Variants in ERBB4 observed in about 807,000 individuals in gnomAD.
ERBB4 encodes the protein receptor tyrosine-protein kinase erbB-4.
Under a neutral mutation model 158.0 loss-of-function variants are expected in ERBB4, and 42 were observed. The ratio of observed to expected loss-of-function variants is 0.27; its 90% CI spans 0.21 to 0.34. The LOEUF is 0.34. ERBB4 is among the 10% of genes least tolerant of loss of function. The pLI is 1.00. For synonymous variants in ERBB4, 583 were observed against 558.7 expected, an observed-to-expected ratio of 1.04 and a Z score of -0.61; for missense variants, 1,333 against 1,624.1, an observed-to-expected ratio of 0.82 and a Z score of 3.08.
At chr2:211,546,659 C>CCTGTTTGG (rs2066948459) in intron 20 of ERBB4, among the ~76,000 whole-genome samples, 1 of 152,034 alleles carries the variant, frequency 6.6e-6, no homozygotes, top group South Asian at 2.1e-4. Flanking sequence ...TATAATACTA[C>CCTGTTTGG]CTGTTTGGTG....
chr2:212,062,229 A>C (rs2077795080), intron 2 of ERBB4, among the ~76,000 whole-genome samples: 2 of 152,122 alleles, frequency 1.3e-5, no homozygotes, highest in Admixed American at 6.6e-5. Flanking sequence ...CTACATGTAT[A>C]TTAATTGAAT....
At chr2:211,856,031 A>T (rs1352866023) in intron 3 of ERBB4, among the ~76,000 whole-genome samples, 2 of 152,246 alleles carry the variant, frequency 1.3e-5, no homozygotes, top group African/African-American at 4.8e-5. Flanking sequence ...TATTTGGGTG[A>T]CGGGTACACT....
At chr2:211,672,479 A>T (rs2071880151) in intron 14 of ERBB4, among the ~76,000 whole-genome samples, 1 of 152,166 alleles carries the variant, frequency 6.6e-6, no homozygotes, top group Admixed American at 6.6e-5. Context: ...ATGAGACCTC[A>T]TCCATGAGAA....
chr2:211,575,698 C>A (rs571510631), intron 19 of ERBB4, among the ~76,000 whole-genome samples: 1 of 152,028 alleles, frequency 6.6e-6, no homozygotes, highest in Non-Finnish European at 1.5e-5. Flanking sequence ...ACAAGCAACT[C>A]GACAAAATTA....
At chr2:211,676,611 C>A (rs940431570) in intron 13 of ERBB4, among the ~76,000 whole-genome samples, 1 of 152,126 alleles carries the variant, frequency 6.6e-6, no homozygotes, top group African/African-American at 2.4e-5. Context: ...AGATACCTTA[C>A]GTTCTAGCAT....
intron 1 of ERBB4, among the ~76,000 whole-genome samples, chr2:212,419,791 C>T (rs1022159600): frequency 2.6e-5 from 4 of 151,800 alleles, no homozygotes; most frequent in Admixed American, 6.6e-5. Flanking sequence ...ACTGAATTAA[C>T]GTCCTATTCA....
At chr2:212,329,583 T>C (rs1331665445) in intron 1 of ERBB4, among the ~76,000 whole-genome samples, 1 of 152,036 alleles carries the variant, frequency 6.6e-6, no homozygotes, top group East Asian at 1.9e-4. Context: ...AAACTGGGCT[T>C]GTAAGAAATA....
At chr2:211,733,622 C>T (rs1318830324) in intron 5 of ERBB4, among the ~76,000 whole-genome samples, 1 of 151,062 alleles carries the variant, frequency 6.6e-6, no homozygotes, top group Non-Finnish European at 1.5e-5. Flanking sequence ...TTTTAAATCA[C>T]TGTGCATTAT....
At chr2:212,158,709 C>G (rs1217060340) in intron 1 of ERBB4, among the ~76,000 whole-genome samples, 2 of 151,860 alleles carry the variant, frequency 1.3e-5, no homozygotes, top group Non-Finnish European at 2.9e-5. Context: ...TTTGTGTCCA[C>G]CACGAGCTAG....
At chr2:211,581,203 C>A (rs2068093992) in intron 19 of ERBB4, among the ~76,000 whole-genome samples, 1 of 151,658 alleles carries the variant, frequency 6.6e-6, no homozygotes, top group African/African-American at 2.4e-5. Context: ...CAAAATCTCA[C>A]AAATCACCAC....
intron 1 of ERBB4, among the ~76,000 whole-genome samples, chr2:212,469,146 C>A (rs1033584992): frequency 1.3e-5 from 2 of 152,112 alleles, no homozygotes; most frequent in Admixed American, 6.5e-5. Context: ...TCAAAATCTA[C>A]ATATAATACA....
chr2:212,105,903 G>T (rs1437712102), intron 2 of ERBB4, among the ~76,000 whole-genome samples: 1 of 152,138 alleles, frequency 6.6e-6, no homozygotes, highest in African/African-American at 2.4e-5. Context: ...TCTTGCACAA[G>T]TTCCATTATT....
chr2:211,756,047 A>T (rs2106225584), intron 4 of ERBB4, among the ~76,000 whole-genome samples: 1 of 152,318 alleles, frequency 6.6e-6, no homozygotes, highest in African/African-American at 2.4e-5. Flanking sequence ...AATTCAAAAT[A>T]GGAAAGTAGA....
At chr2:211,465,399 T>C (rs1397925517) in intron 20 of ERBB4, among the ~76,000 whole-genome samples, 4 of 150,494 alleles carry the variant, frequency 2.7e-5, no homozygotes, top group Admixed American at 1.3e-4. Flanking sequence ...TGAATTTTAA[T>C]GCGGCAACAG....
chr2:211,843,103 T>C (rs2077510756), intron 3 of ERBB4, among the ~76,000 whole-genome samples: 1 of 152,158 alleles, frequency 6.6e-6, no homozygotes, highest in Admixed American at 6.5e-5. Context: ...CTATGTTAGT[T>C]TGAGACATGA....
At chr2:212,096,968 C>T (rs755318806) in intron 2 of ERBB4, among the ~76,000 whole-genome samples, 14 of 152,140 alleles carry the variant, frequency 9.2e-5, no homozygotes, top group Non-Finnish European at 1.9e-4. Context: ...ATTAAGTTAA[C>T]GGCTAAGGAA....
chr2:212,332,126 G>A (rs1235333835), intron 1 of ERBB4, among the ~76,000 whole-genome samples: 1 of 152,028 alleles, frequency 6.6e-6, no homozygotes, highest in Non-Finnish European at 1.5e-5. Flanking sequence ...AATTTAACAT[G>A]AGGTACTGGG....
chr2:211,928,267 C>T (rs905682619), intron 3 of ERBB4, among the ~76,000 whole-genome samples: 42 of 152,144 alleles, frequency 2.8e-4, no homozygotes, highest in African/African-American at 9.4e-4. Flanking sequence ...TTTTGAATTT[C>T]CCCCGAGAAT....
At chr2:212,374,237 T>G (rs1170431493) in intron 1 of ERBB4, among the ~76,000 whole-genome samples, 1 of 151,396 alleles carries the variant, frequency 6.6e-6, no homozygotes, top group East Asian at 1.9e-4. Flanking sequence ...ATGCTGTATA[T>G]TATATTACAT....
Sources: allele counts gnomAD v4.1 joint callset (sites outside exome capture counted in the v4.1 genomes callset), GRCh38; gene constraint gnomAD v4.1.1; transcripts MANE v1.5; gene names NCBI Gene and HGNC (gene_info 2026-07-23, HGNC 2026-07-21).